The following HBP1 variants were observed in gnomAD, a reference collection of about 807,000 sequenced individuals.
The protein encoded by HBP1 is HMG-box transcription factor 1, also known as HMG box-containing protein 1.
Under a neutral mutation model 62.6 loss-of-function variants are expected in HBP1, and 20 were observed. The ratio of observed to expected loss-of-function variants is 0.32; its 90% CI spans 0.22 to 0.46. HBP1 has a LOEUF of 0.46. HBP1 is among the 20% of genes least tolerant of loss of function. The pLI is 1.00. For synonymous variants in HBP1, 232 were observed against 206.2 expected, an observed-to-expected ratio of 1.12 and a Z score of -1.07; for missense variants, 480 against 611.8, an observed-to-expected ratio of 0.78 and a Z score of 2.27.
intron 1 of HBP1, among the ~76,000 whole-genome samples, chr7:107,179,466 G>A (rs936390587): frequency 8.5e-5 from 13 of 152,118 alleles, no homozygotes; most frequent in Admixed American, 6.5e-4. Context: ...GGCAGTGTAT[G>A]ATTAAGTTAA....
chr7:107,198,257 G>T (rs1259908418), intron 9 of HBP1, among the ~76,000 whole-genome samples: 1 of 151,760 alleles, frequency 6.6e-6, no homozygotes, highest in African/African-American at 2.4e-5. Context: ...CACGCAGGCT[G>T]TAGTGCCAGT....
intron 3 of HBP1, 131 bp from the exon 4 acceptor site, chr7:107,185,670 C>A: frequency 1.7e-6 from 1 of 602,072 alleles, no homozygotes; most frequent in Non-Finnish European, 2.9e-6. Context: ...ATCTTGCTGT[C>A]TTTACTAGTG....
chr7:107,170,447 T>C (rs2115744721), intron 1 of HBP1, among the ~76,000 whole-genome samples: 1 of 152,352 alleles, frequency 6.6e-6, no homozygotes, highest in Middle Eastern at 3.4e-3. Context: ...TATTTTCCTT[T>C]ATCTTGCAAA....
At chr7:107,184,334 A>G (rs1421259475) in intron 3 of HBP1, among the ~76,000 whole-genome samples, 1 of 152,226 alleles carries the variant, frequency 6.6e-6, no homozygotes, top group African/African-American at 2.4e-5. Flanking sequence ...ATGCATGGAA[A>G]TCTGAGGGCC....
intron 1 of HBP1, among the ~76,000 whole-genome samples, chr7:107,175,137 G>A (rs1243435123): frequency 1.3e-5 from 2 of 151,748 alleles, no homozygotes; most frequent in African/African-American, 4.8e-5. Context: ...CAGTATTTCA[G>A]TATGATTTTG....
intron 6 of HBP1, among the ~76,000 whole-genome samples, chr7:107,188,222 C>T (rs537478509): frequency 2.0e-5 from 3 of 152,282 alleles, no homozygotes; most frequent in African/African-American, 7.2e-5. Context: ...GACATCTCTG[C>T]ATGAATATCA....
At position 107,185,904 on chromosome 7, in the gene HBP1, C is replaced by A; in HGVS notation, c.502C>A (p.His168Asn). 1.9e-6 allele frequency: 3 copies of A among 1,611,886 alleles called. No homozygotes were observed. Among genetic ancestry groups the A allele is most frequent in the Non-Finnish European group, 8.5e-7 (1 of 1,177,940 alleles). ...GAAGAGTGAACCAGCCTTCCCTCAT[C>A]ACCATTGGAAGGAGGAAACACCAGT... The part of the protein sequence containing the change: ...SSKSEPAFPH[H>N]HWKEETPVRH... The change falls in exon 4 of 11, where the codon CAC becomes AAC. Residue 168 changes from histidine to asparagine, a missense_variant. Physicochemically the swap from His to Asn is moderately conservative, Grantham distance 68. Coordinates refer to ENST00000222574, the MANE Select transcript of HBP1 (RefSeq NM_012257.4).
intron 8 of HBP1, among the ~76,000 whole-genome samples, chr7:107,191,448 A>G (rs1797644621): frequency 6.6e-6 from 1 of 152,212 alleles, no homozygotes; most frequent in South Asian, 2.1e-4. Context: ...ATTTGGCTTT[A>G]TCTTGTAAAG....
At chr7:107,188,468 A>G (rs1021060054) in intron 6 of HBP1, among the ~76,000 whole-genome samples, 3 of 152,184 alleles carry the variant, frequency 2.0e-5, no homozygotes, top group African/African-American at 7.2e-5. Context: ...GACCTTGTTC[A>G]TGCGTTAGCG....
intron 1 of HBP1, among the ~76,000 whole-genome samples, chr7:107,169,559 A>G (rs1584466491): frequency 1.6e-5 from 2 of 123,946 alleles, no homozygotes; most frequent in South Asian, 5.4e-4. Flanking sequence ...TTTGACTTCA[A>G]CTCCCCGTTT....
chr7:107,199,606 T>C (rs1328580708), intron 9 of HBP1, among the ~76,000 whole-genome samples: 2 of 152,226 alleles, frequency 1.3e-5, no homozygotes, highest in African/African-American at 4.8e-5. Context: ...ATGAAGTGAA[T>C]GGCTGAAAGC....
chr7:107,185,931 A>G lies in HBP1; in HGVS notation c.529A>G (p.Arg177Gly). The G allele has an allele frequency of 6.2e-7, 1 of 1,612,782 alleles. No individual in the cohort carries two copies. Among genetic ancestry groups the G allele is most frequent in the Non-Finnish European group, 8.5e-7 (1 of 1,178,884 alleles). ...CCATTGGAAGGAGGAAACACCAGTA[A>G]GACACGAAAGGGTAAGTTTATTTAT... is the stretch of plus-strand genomic sequence containing the variant. ...HHHWKEETPV[R>G]HERANSESES... is the part of the protein sequence containing the mutation. The change falls in exon 4 of 11, where the codon AGA (arginine) becomes GGA (glycine). Residue 177 changes from arginine (R) to glycine (G), a missense_variant. By Grantham distance (125) the Arg-to-Gly change is moderately radical. Transcript: ENST00000222574.
chr7:107,187,775 T>C (rs993152280), intron 6 of HBP1, among the ~76,000 whole-genome samples: 4 of 152,230 alleles, frequency 2.6e-5, no homozygotes, highest in Non-Finnish European at 4.4e-5. Flanking sequence ...GTACAACATT[T>C]GACACATTGG....
In HBP1 at chr7:107,196,109, A is replaced by G. The variant is rs1467888866; in HGVS notation, c.1343A>G (p.Tyr448Cys). The change falls in exon 9 of 11, where the codon TAC becomes TGC. Residue 448 changes from tyrosine to cysteine, a missense_variant. Tyr to Cys is a radical substitution (Grantham distance 194). Transcript: ENST00000222574. ...GCCTTCATGCTTTTTGCCAAAAAAT[A>G]CAGAGTTGAATATACTCAGATGTAT... ...MNAFMLFAKK[Y>C]RVEYTQMYPG... 1 of 1,611,554 alleles carries G rather than the reference A, an allele frequency of 6.2e-7. No individual in the cohort carries two copies. Among genetic ancestry groups the G allele is most frequent in the East Asian group, 2.2e-5 (1 of 44,872 alleles).
At chr7:107,192,417 T>C (rs1335520514) in intron 8 of HBP1, 1 of 151,950 alleles carries the variant, frequency 6.6e-6, no homozygotes, top group Non-Finnish European at 1.5e-5. Context: ...AATGCTACTG[T>C]AGTATTTATA....
intron 1 of HBP1, among the ~76,000 whole-genome samples, chr7:107,172,889 G>C (rs1796667442): frequency 6.6e-6 from 1 of 152,066 alleles, no homozygotes; most frequent in Non-Finnish European, 1.5e-5. Flanking sequence ...ACTGGGCCTG[G>C]CCACTAGTCT....
chr7:107,179,710 T>C, intron 1 of HBP1, 169 bp from the exon 2 acceptor site: 2 of 389,928 alleles, frequency 5.1e-6, no homozygotes, highest in South Asian at 1.2e-4. Flanking sequence ...AGGTGGAGTT[T>C]GCAGTGAGCC....
chr7:107,169,704 G>C, intron 1 of HBP1: 2 of 981,294 alleles, frequency 2.0e-6, no homozygotes, highest in Non-Finnish European at 2.4e-6. Flanking sequence ...CTGGGCCCCG[G>C]GGCTCATTGT....
At chr7:107,169,417 G>C (rs1386778408) in intron 1 of HBP1, among the ~76,000 whole-genome samples, 1 of 150,532 alleles carries the variant, frequency 6.6e-6, no homozygotes, top group African/African-American at 2.4e-5. Context: ...TCTCGGGCGG[G>C]GGCCGGGAGG....
Sources: gnomAD v4.1 joint callset for allele counts (sites outside exome capture counted in the v4.1 genomes callset) on GRCh38, gnomAD v4.1.1 for gene constraint, MANE v1.5 for transcripts, NCBI Gene and HGNC (gene_info 2026-07-23, HGNC 2026-07-21) for gene names.